The following EIF2AK4 variants were observed in gnomAD, a reference collection of about 807,000 sequenced individuals.
The protein encoded by EIF2AK4 is eIF-2-alpha kinase GCN2.
A neutral mutation model predicts 211.1 loss-of-function variants in EIF2AK4; 139 were observed. The ratio of observed to expected loss-of-function variants is 0.66; its 90% CI spans 0.57 to 0.76. EIF2AK4 has a LOEUF of 0.76. Among genes scored for constraint, EIF2AK4 ranks in the 30% least tolerant of loss-of-function variants. The pLI is 0.00. For synonymous variants in EIF2AK4, 710 were observed against 751.3 expected (o/e 0.94, Z 0.90); for missense variants, 1,664 against 2,043.8 (o/e 0.81, Z 3.58).
At chr15:39,954,104 T>G (rs1315141539) in intron 5 of EIF2AK4, 120 bp downstream of exon 5, 2 of 889,316 alleles carry the variant, frequency 2.2e-6, no homozygotes, top group Non-Finnish European at 3.2e-6. Context: ...TAAAAATAAA[T>G]AAATATTCAC....
At chr15:39,973,080 A>G in intron 10 of EIF2AK4, 66 bp downstream of exon 10, 1 of 1,337,888 alleles carries the variant, frequency 7.5e-7, no homozygotes, top group Non-Finnish European at 1.1e-6. Context: ...AAGTATACAT[A>G]AACCAAAAAC....
At chr15:39,993,609 G>A (rs1396449263) in intron 18 of EIF2AK4, among the ~76,000 whole-genome samples, 1 of 152,244 alleles carries the variant, frequency 6.6e-6, no homozygotes, top group African/African-American at 2.4e-5. Flanking sequence ...ATTTAAGACA[G>A]CCAAAAGGAA....
chr15:40,007,708 A>C (rs1205911843), intron 24 of EIF2AK4, among the ~76,000 whole-genome samples: 3 of 152,222 alleles, frequency 2.0e-5, no homozygotes, highest in Middle Eastern at 3.2e-3. Context: ...CAAGTGAATA[A>C]TTAATAATCG....
In EIF2AK4 at chr15:39,972,938, G is replaced by T. The variant is rs1245964224; in HGVS notation, c.1584G>T (p.Trp528Cys). Reference sequence around the variant, plus strand: ...TGTGCTTGGATGACAAGGAAAGATGGAGTCCCCAGCAGTTGTTGAAACACA... The same window carrying T: ...TGTGCTTGGATGACAAGGAAAGATGTAGTCCCCAGCAGTTGTTGAAACACA... ...KCVCLDDKERWSPQQLLKHSF... is the reference protein window; with the variant it reads ...KCVCLDDKERCSPQQLLKHSF... Residue 528 changes from tryptophan (W) to cysteine (C), a missense_variant, in exon 10 of 39, where the codon TGG becomes TGT. Coordinates refer to ENST00000263791, the MANE Select transcript of EIF2AK4 (RefSeq NM_001013703.4). The T allele has an allele frequency of 1.9e-6, 3 of 1,613,790 alleles. No individual in the cohort carries two copies. Among genetic ancestry groups the T allele is most frequent in the Non-Finnish European group, 1.7e-6 (2 of 1,180,004 alleles).
At chr15:39,997,112 T>C (rs750704281) in intron 19 of EIF2AK4, 47 bp downstream of exon 19, 2 of 1,307,924 alleles carry the variant, frequency 1.5e-6, no homozygotes, top group South Asian at 1.2e-5. Flanking sequence ...AACCGGAATC[T>C]TAGCACAGAG....
At chr15:39,952,808 AG>A (rs1169699694) in intron 4 of EIF2AK4, among the ~76,000 whole-genome samples, 1 of 151,952 alleles carries the variant, frequency 6.6e-6, no homozygotes, top group East Asian at 1.9e-4. Flanking sequence ...TGTGTAGCCT[AG>A]TTATTGTTGG....
At chr15:40,001,391 A>T (rs1032049024) in intron 21 of EIF2AK4, among the ~76,000 whole-genome samples, 167 bp downstream of exon 21, 4 of 152,114 alleles carry the variant, frequency 2.6e-5, no homozygotes, top group African/African-American at 9.7e-5. Context: ...AGGGAAGAGG[A>T]CCCATACTTT....
chr15:39,977,156 A>AAAACC (rs1566991989), intron 12 of EIF2AK4: 33 of 215,650 alleles, frequency 1.5e-4, no homozygotes, highest in African/African-American at 8.0e-4. Flanking sequence ...AAAACAAAAC[A>AAAACC]AAACCACCAC....
At chr15:39,978,642 A>G (rs1566992484) in intron 13 of EIF2AK4, among the ~76,000 whole-genome samples, 1 of 152,176 alleles carries the variant, frequency 6.6e-6, no homozygotes, top group African/African-American at 2.4e-5. Context: ...TCCCTTGGCT[A>G]CACTGGTAGA....
intron 13 of EIF2AK4, among the ~76,000 whole-genome samples, chr15:39,979,112 A>G (rs2034744186): frequency 6.6e-6 from 1 of 152,180 alleles, no homozygotes; most frequent in South Asian, 2.1e-4. Flanking sequence ...CACCTTATAC[A>G]CTTCACCTGT....
intron 19 of EIF2AK4, 88 bp from the exon 20 acceptor site, chr15:39,998,643 C>T: frequency 9.6e-7 from 1 of 1,038,602 alleles, no homozygotes; most frequent in Non-Finnish European, 1.4e-6. Flanking sequence ...ATTTTTATTT[C>T]TGTATTTGAT....
At chr15:39,968,785 G>C (rs935466745) in intron 9 of EIF2AK4, among the ~76,000 whole-genome samples, 1 of 151,786 alleles carries the variant, frequency 6.6e-6, no homozygotes, top group Non-Finnish European at 1.5e-5. Context: ...GGTTTACATT[G>C]TTATGCTCTG....
chr15:40,007,926 A>T, intron 24 of EIF2AK4, 101 bp from the exon 25 acceptor site: 2 of 962,952 alleles, frequency 2.1e-6, no homozygotes, highest in Non-Finnish European at 2.9e-6. Flanking sequence ...CCACCGATTA[A>T]TTTTTTTTCA....
rs1270533058 is a variant in EIF2AK4 at position 40,016,617 on chromosome 15, T to C, written c.3875T>C (p.Leu1292Ser). Reference protein sequence around the residue: ...TGIAQLVKYGLKDLEEVVGLL... With the variant: ...TGIAQLVKYGSKDLEEVVGLL... ...ATTGCACAGTTGGTGAAGTATGGCT[T>C]AAAAGACCTAGAGGAGGTTGTTGGA... is the stretch of plus-strand genomic sequence containing the variant. Residue 1292 changes from leucine (L) to serine (S), a missense_variant, in exon 28 of 39, where the codon TTA (leucine) becomes TCA (serine). This residue lies in a region of EIF2AK4 where 622 missense variants were observed against 796.8 expected (regional missense o/e 0.78). Transcript: ENST00000263791. 3 of 1,614,108 alleles carry C rather than the reference T, an allele frequency of 1.9e-6. No individual in the cohort carries two copies. Among genetic ancestry groups the C allele is most frequent in the Middle Eastern group, 1.6e-4 (1 of 6,084 alleles).
intron 32 of EIF2AK4, among the ~76,000 whole-genome samples, chr15:40,024,403 CTTTTTT>C (rs554877205): frequency 4.1e-4 from 37 of 90,766 alleles, no homozygotes; most frequent in Middle Eastern, 0.025. Context: ...TTGAGTTTTC[CTTTTTT>C]TTTTTTTTTT....
At chr15:39,954,497 A>G (rs2034362802) in intron 5 of EIF2AK4, among the ~76,000 whole-genome samples, 3 of 152,128 alleles carry the variant, frequency 2.0e-5, no homozygotes, top group Admixed American at 2.0e-4. Flanking sequence ...CAAGTGATCC[A>G]CCCACCTTGG....
At chr15:39,998,902 GGGGAAAAAATAT>G (rs1409733368) in intron 20 of EIF2AK4, 118 bp downstream of exon 20, 1 of 809,230 alleles carries the variant, frequency 1.2e-6, no homozygotes, top group Non-Finnish European at 1.9e-6. Context: ...GGAACAACGT[GGGGAAAAAATAT>G]GAAAAGATGA....
At chr15:39,942,588 T>A (rs2034160231) in intron 2 of EIF2AK4, among the ~76,000 whole-genome samples, 1 of 152,234 alleles carries the variant, frequency 6.6e-6, no homozygotes, top group African/African-American at 2.4e-5. Flanking sequence ...TAAAATTAAA[T>A]AACTCCTATT....
At chr15:39,965,914 G>A in intron 8 of EIF2AK4, 71 bp downstream of exon 8, 1 of 1,570,660 alleles carries the variant, frequency 6.4e-7, no homozygotes, top group Non-Finnish European at 8.6e-7. Context: ...GAACAAAATA[G>A]CCCTGCATTT....
Sources: allele counts gnomAD v4.1 joint callset (sites outside exome capture counted in the v4.1 genomes callset), GRCh38; gene constraint gnomAD v4.1.1; regional missense constraint gnomAD v4.1.1; transcripts MANE v1.5; gene names NCBI Gene and HGNC (gene_info 2026-07-23, HGNC 2026-07-21).